The following SLC13A1 variants were observed in gnomAD, a reference collection of about 807,000 sequenced individuals.
SLC13A1 encodes the protein Na(+)/sulfate cotransporter.
A neutral mutation model predicts 70.0 loss-of-function variants in SLC13A1; 65 were observed. That is an observed-to-expected ratio of 0.93 (90% CI 0.76 to 1.14). SLC13A1 has a LOEUF of 1.14. Among genes scored for constraint, SLC13A1 ranks in the 50% most tolerant of loss-of-function variants. The pLI is 0.00. For synonymous variants in SLC13A1, 275 were observed against 250.5 expected, an observed-to-expected ratio of 1.10 and a Z score of -0.92; for missense variants, 726 against 717.8, an observed-to-expected ratio of 1.01 and a Z score of -0.13.
chr7:123,168,521 T>C lies in SLC13A1; in HGVS notation c.594A>G (p.Lys198=), dbSNP rs1386171436. 6.2e-7 allele frequency: 1 copy of C among 1,610,958 alleles called. No individual in the cohort carries two copies. Among genetic ancestry groups the C allele is most frequent in the Non-Finnish European group, 8.5e-7 (1 of 1,178,054 alleles). ...TTCCTTACCCTGGAACTGGTTTTGTTTTCTCTTTCCTCTCATTTATTTCAT... is the reference window on the plus strand; with the variant it reads ...TTCCTTACCCTGGAACTGGTTTTGTCTTCTCTTTCCTCTCATTTATTTCAT... ...NGHEINERKE[K]TKPVPGYNND... The change falls in exon 5 of 15, where the codon AAA becomes AAG. Residue 198 remains lysine (K), a synonymous_variant. Coordinates refer to ENST00000194130, the MANE Select transcript of SLC13A1 (RefSeq NM_022444.4).
chr7:123,135,095 A>G (rs943840062), intron 7 of SLC13A1, among the ~76,000 whole-genome samples: 5 of 152,210 alleles, frequency 3.3e-5, no homozygotes, highest in Non-Finnish European at 7.4e-5. Context: ...CGAACCAGGT[A>G]TATGGTAGCT....
chr7:123,136,569 C>CACCT (rs1793954653), intron 7 of SLC13A1, among the ~76,000 whole-genome samples: 1 of 152,126 alleles, frequency 6.6e-6, no homozygotes, highest in African/African-American at 2.4e-5. Context: ...ACACTTAATT[C>CACCT]TGATGAAATC....
chr7:123,133,807 G>T (rs967957086), intron 8 of SLC13A1, among the ~76,000 whole-genome samples: 3 of 152,000 alleles, frequency 2.0e-5, no homozygotes, highest in African/African-American at 7.2e-5. Context: ...TGGGATTACA[G>T]GTGTGAGCCA....
intron 6 of SLC13A1, among the ~76,000 whole-genome samples, chr7:123,155,242 T>G (rs1372531662): frequency 6.6e-6 from 1 of 151,870 alleles, no homozygotes; most frequent in East Asian, 1.9e-4. Context: ...TTTCCTATTC[T>G]TTTTTGGAAA....
At chr7:123,149,654 G>A in intron 6 of SLC13A1, 1 of 456,112 alleles carries the variant, frequency 2.2e-6, no homozygotes, top group Non-Finnish European at 4.4e-6. Context: ...ACCTAAGTGT[G>A]TGCTTGATAT....
chr7:123,170,639 T>TTTGC, intron 3 of SLC13A1, among the ~76,000 whole-genome samples: 1 of 152,048 alleles, frequency 6.6e-6, no homozygotes, highest in Non-Finnish European at 1.5e-5. Flanking sequence ...TGTTTGTTTG[T>TTTGC]TTGTTTTGAG....
At chr7:123,188,870 C>T (rs1193021749) in intron 1 of SLC13A1, among the ~76,000 whole-genome samples, 2 of 151,906 alleles carry the variant, frequency 1.3e-5, no homozygotes, top group East Asian at 3.9e-4. Context: ...AATCCCAGCA[C>T]TTTGGGAGGC....
At chr7:123,180,884 A>T in intron 2 of SLC13A1, 89 bp downstream of exon 2, 1 of 1,398,760 alleles carries the variant, frequency 7.1e-7, no homozygotes, top group Non-Finnish European at 9.7e-7. Context: ...TACCAACGAG[A>T]TGATTGCTCC....
intron 1 of SLC13A1, among the ~76,000 whole-genome samples, chr7:123,188,015 A>G (rs1400367524): frequency 1.3e-5 from 2 of 152,174 alleles, no homozygotes; most frequent in African/African-American, 4.8e-5. Flanking sequence ...GCTATCTGAC[A>G]TGGTTAGGCT....
rs115875727 is a variant in SLC13A1 at position 123,115,363 on chromosome 7, G to A, written c.*155C>T. ...CTGCAATAACAAATATGGACTCTGA[G>A]TTATAACAGCAGGTTTCGGGTATTC... On this transcript the variant is annotated 3_prime_UTR_variant, in exon 15 of 15. Coordinates refer to ENST00000194130, the MANE Select transcript of SLC13A1 (RefSeq NM_022444.4). The A allele has an allele frequency of 8.8e-5, 58 of 656,758 alleles. No individual in the cohort carries two copies. In the African/African-American group the frequency reaches 1.0e-3, roughly 12 times the overall value. The allele number at this position is 656,758 out of a possible 1,614,324, so 40.7% of individuals were successfully genotyped here.
intron 1 of SLC13A1, among the ~76,000 whole-genome samples, chr7:123,188,448 G>T (rs10265711): frequency 0.47 from 70,745 of 151,896 alleles, 16,834 homozygotes; most frequent in African/African-American, 0.57. Flanking sequence ...CTTGGTATAT[G>T]GGATTAATTT....
At chr7:123,199,743 ACATT>A (rs1489262102) in intron 1 of SLC13A1, 101 bp downstream of exon 1, 1 of 776,858 alleles carries the variant, frequency 1.3e-6, no homozygotes, top group Non-Finnish European at 2.1e-6. Context: ...TGAAGGGTCA[ACATT>A]CATTCAGCTC....
intron 6 of SLC13A1, among the ~76,000 whole-genome samples, chr7:123,156,422 C>T (rs995353008): frequency 2.0e-5 from 3 of 152,000 alleles, no homozygotes; most frequent in African/African-American, 7.2e-5. Context: ...ATAATTAATG[C>T]CCACTTTTGA....
chr7:123,134,561 T>G (rs1181740386), intron 7 of SLC13A1, 32 bp from the exon 8 acceptor site: 1 of 1,601,852 alleles, frequency 6.2e-7, no homozygotes, highest in East Asian at 2.2e-5. Context: ...TGTTCAGGGA[T>G]GGAGAGACAG....
chr7:123,186,743 A>G (rs1181378765), intron 1 of SLC13A1: 2 of 455,954 alleles, frequency 4.4e-6, no homozygotes, highest in South Asian at 1.6e-5. Context: ...CGTTATTACA[A>G]CTTACTCTGC....
At chr7:123,145,375 A>G (rs1457085954) in intron 7 of SLC13A1, among the ~76,000 whole-genome samples, 3 of 152,128 alleles carry the variant, frequency 2.0e-5, no homozygotes, top group Non-Finnish European at 4.4e-5. Context: ...CCATATTGCA[A>G]TCTTACAGAG....
chr7:123,115,367 T>C lies in SLC13A1; in HGVS notation c.*151A>G. 1 of 680,036 alleles carries C rather than the reference T, an allele frequency of 1.5e-6. No homozygotes were observed. The highest frequency in any genetic ancestry group is 2.8e-5 in the East Asian group (1 of 35,632). 42.1% of individuals were successfully genotyped at this position (680,036 alleles called of 1,614,324 possible). On this transcript the variant is annotated 3_prime_UTR_variant, in exon 15 of 15. Coordinates refer to ENST00000194130, the MANE Select transcript of SLC13A1 (RefSeq NM_022444.4). ...AATAACAAATATGGACTCTGAGTTA[T>C]AACAGCAGGTTTCGGGTATTCACAG...
rs1323178666 is a variant in SLC13A1 at position 123,115,608 on chromosome 7, C to T, written c.1698G>A (p.Met566Ile). The T allele has an allele frequency of 2.5e-6, 4 of 1,613,798 alleles. No individual in the cohort carries two copies. The African/African-American group carries it at 4.0e-5, about 16-fold the overall frequency. Residue 566 changes from methionine to isoleucine, a missense_variant, in exon 15 of 15, where the codon ATG becomes ATA. By Grantham distance (10) the Met-to-Ile change is conservative. Coordinates refer to ENST00000194130, the MANE Select transcript of SLC13A1 (RefSeq NM_022444.4). Reference sequence around the variant, plus strand: ...GTACAATCCAAGTACATATGCCAAGCATAACCACAGCAACACCAACAATGT... The same window carrying T: ...GTACAATCCAAGTACATATGCCAAGTATAACCACAGCAACACCAACAATGT... Reference protein sequence around the residue: ...GVNIVGVAVVMLGICTWIVPM... With the variant: ...GVNIVGVAVVILGICTWIVPM...
At chr7:123,121,282 C>T (rs1793373380) in intron 12 of SLC13A1, among the ~76,000 whole-genome samples, 1 of 152,094 alleles carries the variant, frequency 6.6e-6, no homozygotes. Context: ...CTGGCTTTTA[C>T]TGTTGCTTTC....
Sources: allele counts gnomAD v4.1 joint callset (sites outside exome capture counted in the v4.1 genomes callset), GRCh38; gene constraint gnomAD v4.1.1; transcripts MANE v1.5; gene names NCBI Gene and HGNC (gene_info 2026-07-23, HGNC 2026-07-21).